Variants in NFASC observed in about 807,000 individuals in gnomAD.
NFASC encodes neurofascin.
In NFASC, 43 loss-of-function variants were observed where a neutral mutation model predicts 147.5. The ratio of observed to expected loss-of-function variants is 0.29; its 90% confidence interval spans 0.23 to 0.38. The LOEUF is 0.38. NFASC is among the 10% of genes least tolerant of loss of function. The pLI is 1.00. For synonymous variants in NFASC, 622 were observed against 665.5 expected (o/e 0.93, Z 1.01); for missense variants, 1,320 against 1,689.0 (o/e 0.78, Z 3.83).
intron 2 of NFASC, among the ~76,000 whole-genome samples, chr1:204,934,707 A>G (rs543680816): frequency 2.0e-5 from 3 of 152,364 alleles, no homozygotes; most frequent in African/African-American, 7.2e-5. Flanking sequence ...AGAAGTCTTC[A>G]TGAATCACAT....
chr1:204,993,758 T>A (rs779317876), intron 24 of NFASC: 1 of 517,576 alleles, frequency 1.9e-6, no homozygotes. Context: ...AATGACATCC[T>A]AGCCCAGTCA....
At chr1:204,843,538 C>T (rs1446706486) in intron 1 of NFASC, among the ~76,000 whole-genome samples, 3 of 151,480 alleles carry the variant, frequency 2.0e-5, no homozygotes, top group Admixed American at 6.6e-5. Context: ...CCCTTTCTTC[C>T]CTCTCCAGGT....
intron 2 of NFASC, among the ~76,000 whole-genome samples, chr1:204,929,850 A>G (rs1012677880): frequency 4.6e-5 from 7 of 152,188 alleles, no homozygotes; most frequent in African/African-American, 1.7e-4. Flanking sequence ...AATAGGGGGC[A>G]GTTTGAGTTT....
Position 204,975,872 on chromosome 1 carries a change from C to CT in NFASC, c.1706+458dup, listed in dbSNP as rs1459627201. ...CTCAGCCCTGACTGAACCTGGCATGCTTTTACCACACCCACGCCTGCCCCG... is the reference window on the plus strand; with the variant it reads ...CTCAGCCCTGACTGAACCTGGCATGCTTTTTACCACACCCACGCCTGCCCCG... On this transcript the variant is annotated intron_variant, in intron 15 of 29. Transcript: ENST00000339876. The surrounding 1 kb of genome is among the most constrained non-coding windows in gnomAD (Gnocchi z 4.0). Among the ~76,000 whole-genome samples, 1 of 152,166 alleles carries CT rather than the reference C, an allele frequency of 6.6e-6. No homozygotes were observed. Among genetic ancestry groups the CT allele is most frequent in the Admixed American group, 6.5e-5 (1 of 15,282 alleles).
chr1:205,007,933 G>A (rs913024460), intron 27 of NFASC, among the ~76,000 whole-genome samples: 8 of 152,192 alleles, frequency 5.3e-5, no homozygotes, highest in Admixed American at 2.0e-4. Flanking sequence ...CTCTGACACT[G>A]TGGCGGGGGC....
In NFASC at chr1:204,875,599, G is replaced by A. The variant is rs142252598; in HGVS notation, c.-199-45033G>A. ...TTGTCGGGAGGCCTCGAGGGCTGGA[G>A]AGGTGCAGTCCAATGAGATTGCTTG... On this transcript the variant is annotated intron_variant, in intron 1 of 29. Transcript: ENST00000339876. Among the ~76,000 whole-genome samples, 433 of 152,320 alleles carry A rather than the reference G, an allele frequency of 2.8e-3. 3 individuals carry two copies. The highest frequency in any genetic ancestry group is 9.4e-3 in the African/African-American group (390 of 41,568).
At chr1:204,962,232 C>T (rs891930106) in intron 8 of NFASC, 25 of 1,251,578 alleles carry the variant, frequency 2.0e-5, no homozygotes, top group Middle Eastern at 1.9e-4. Context: ...ACTGATACCA[C>T]GTCATTAACT....
intron 1 of NFASC, among the ~76,000 whole-genome samples, chr1:204,901,910 G>A (rs986975192): frequency 1.6e-4 from 24 of 152,286 alleles, no homozygotes; most frequent in East Asian, 3.9e-4. Context: ...AGACGGATGC[G>A]TGAGGGGGCG....
At chr1:204,960,094 G>A (rs1030787451) in intron 8 of NFASC, among the ~76,000 whole-genome samples, 1 of 152,206 alleles carries the variant, frequency 6.6e-6, no homozygotes, top group Non-Finnish European at 1.5e-5. Flanking sequence ...CCTGTCTGGA[G>A]AGGACACAGG....
rs115719716 is a variant in NFASC, at chr1:204,966,828, A to G, written c.707-1421A>G. On this transcript the variant is annotated intron_variant, in intron 8 of 29. Coordinates refer to ENST00000339876, the MANE Select transcript of NFASC (RefSeq NM_001005388.3). ...TCATCAGCCTCGTTACCCTCTGCATATGTTTCATCCTTTCTTCTTTTGACA... is the reference window on the plus strand; with the variant it reads ...TCATCAGCCTCGTTACCCTCTGCATGTGTTTCATCCTTTCTTCTTTTGACA... 6.6e-3 allele frequency among the ~76,000 whole-genome samples: 1,005 copies of G among 152,208 alleles called. 16 individuals carry two copies. Among genetic ancestry groups the G allele is most frequent in the African/African-American group, 0.023 (947 of 41,502 alleles).
chr1:204,921,883 G>A (rs2149452130), intron 2 of NFASC, among the ~76,000 whole-genome samples: 1 of 151,910 alleles, frequency 6.6e-6, no homozygotes, highest in African/African-American at 2.4e-5. Flanking sequence ...GGCCCTTTAG[G>A]GCCACCACTT....
chr1:205,007,651 T>C (rs1252785240), intron 27 of NFASC, among the ~76,000 whole-genome samples: 4 of 152,100 alleles, frequency 2.6e-5, no homozygotes, highest in African/African-American at 9.7e-5. Context: ...AAGACCTCTC[T>C]AGGAGGTGCC....
In NFASC at chr1:205,016,340, A is replaced by C; in HGVS notation, c.3524A>C (p.Gln1175Pro). 6.2e-7 allele frequency: 1 copy of C among 1,613,948 alleles called. No individual in the cohort carries two copies. The highest frequency in any genetic ancestry group is 1.1e-5 in the South Asian group (1 of 91,072). The part of the protein sequence containing the change: ...DEDNKPLQGS[Q>P]TSLDGTIKQQ... ...GACAACAAGCCCCTGCAGGGCAGTC[A>C]GACATCTCTGGACGGCACCATCAAG... The change falls in exon 30 of 30, where the codon CAG becomes CCG. Residue 1175 changes from glutamine (Q) to proline (P), a missense_variant. Around this residue, in one of 3 missense-constraint regions of NFASC, gnomAD observed 167 missense variants for 233.8 expected, o/e 0.71. Coordinates refer to ENST00000339876, the MANE Select transcript of NFASC (RefSeq NM_001005388.3). The surrounding 1 kb of genome is among the most constrained non-coding windows in gnomAD (Gnocchi z 5.1).
intron 1 of NFASC, among the ~76,000 whole-genome samples, chr1:204,892,495 G>A (rs1483753011): frequency 6.6e-6 from 1 of 152,212 alleles, no homozygotes; most frequent in East Asian, 1.9e-4. Context: ...ATCTCAGATG[G>A]CCTCACATGG....
intron 1 of NFASC, among the ~76,000 whole-genome samples, chr1:204,865,776 A>G (rs1002160160): frequency 9.2e-5 from 14 of 152,188 alleles, no homozygotes; most frequent in East Asian, 5.8e-4. Context: ...GCAATTTCAT[A>G]TGAATTTGAG....
At chr1:204,943,700 C>G (rs2625214) in intron 2 of NFASC, among the ~76,000 whole-genome samples, 53,196 of 152,164 alleles carry the variant, frequency 0.35, 10,637 homozygotes, top group Non-Finnish European at 0.45. Context: ...GCGATCTCAT[C>G]TCTGTGCCTC....
intron 1 of NFASC, among the ~76,000 whole-genome samples, chr1:204,917,435 A>G (rs1247534996): frequency 6.6e-6 from 1 of 152,200 alleles, no homozygotes; most frequent in Non-Finnish European, 1.5e-5. Context: ...ATCCTTGTCA[A>G]TAATTATCAA....
intron 1 of NFASC, among the ~76,000 whole-genome samples, chr1:204,883,998 A>G (rs2080834597): frequency 6.6e-6 from 1 of 152,212 alleles, no homozygotes; most frequent in Non-Finnish European, 1.5e-5. Flanking sequence ...ACCCAGCATA[A>G]CAGTGCCTCG....
chr1:204,849,289 G>A (rs557561863), intron 1 of NFASC, among the ~76,000 whole-genome samples: 1 of 152,338 alleles, frequency 6.6e-6, no homozygotes, highest in African/African-American at 2.4e-5. Context: ...TGAGAACCTT[G>A]TGTTAGCGAA....
Sources: gnomAD v4.1 joint callset for allele counts (sites outside exome capture counted in the v4.1 genomes callset) on GRCh38, gnomAD v4.1.1 for gene constraint, gnomAD v4.1.1 regional missense constraint, Gnocchi (gnomAD v3.1) non-coding constraint, MANE v1.5 for transcripts, NCBI Gene and HGNC (gene_info 2026-07-23, HGNC 2026-07-21) for gene names.